EIF3H: variants seen among roughly 807,000 people sequenced by gnomAD.
EIF3H encodes eukaryotic translation initiation factor 3 subunit H.
Under a neutral mutation model 44.2 loss-of-function variants are expected in EIF3H, and 26 were observed. The ratio of observed to expected loss-of-function variants is 0.59; its 90% CI spans 0.43 to 0.82. The LOEUF (loss-of-function observed/expected upper bound fraction) is 0.82. EIF3H is among the 40% of genes least tolerant of loss of function. The pLI is 0.00. For missense variants in EIF3H, 359 were observed against 432.8 expected, an observed-to-expected ratio of 0.83 and a Z score of 1.51; for synonymous variants, 166 against 151.9, an observed-to-expected ratio of 1.09 and a Z score of -0.68.
intron 2 of EIF3H, among the ~76,000 whole-genome samples, chr8:116,721,107 G>A (rs535259766): frequency 1.3e-5 from 2 of 152,246 alleles, no homozygotes; most frequent in Admixed American, 1.3e-4. Flanking sequence ...CCCACCACAG[G>A]CCTAGAGGCC....
At chr8:116,748,165 A>C (rs373207478) in intron 1 of EIF3H, among the ~76,000 whole-genome samples, 2 of 151,918 alleles carry the variant, frequency 1.3e-5, no homozygotes, top group Non-Finnish European at 2.9e-5. Flanking sequence ...AAACAAAAAA[A>C]AAAACAAAAA....
At chr8:116,720,826 A>G (rs1046164924) in intron 2 of EIF3H, among the ~76,000 whole-genome samples, 1 of 152,138 alleles carries the variant, frequency 6.6e-6, no homozygotes, top group Non-Finnish European at 1.5e-5. Flanking sequence ...AACTTGAGAG[A>G]GATGATTTAG....
chr8:116,742,888 T>G (rs1815154762), intron 1 of EIF3H, among the ~76,000 whole-genome samples: 1 of 152,206 alleles, frequency 6.6e-6, no homozygotes, highest in African/African-American at 2.4e-5. Flanking sequence ...AATGGCTGTG[T>G]TTAAACAGGT....
At chr8:116,703,006 G>A (rs745831893) in intron 2 of EIF3H, among the ~76,000 whole-genome samples, 2 of 152,166 alleles carry the variant, frequency 1.3e-5, no homozygotes, top group Non-Finnish European at 1.5e-5. Flanking sequence ...CAGGGTTAGC[G>A]TGTGGGCGGC....
chr8:116,675,485 G>A (rs966122928), intron 2 of EIF3H, among the ~76,000 whole-genome samples: 4 of 152,132 alleles, frequency 2.6e-5, no homozygotes, highest in African/African-American at 7.2e-5. Context: ...AGTAATGAGC[G>A]CACACACACC....
rs140440763 is a variant in EIF3H at position 116,701,441 on chromosome 8, C to T, written c.289+24575G>A. Reference sequence around the variant, plus strand: ...TTCTTTGATGTTCCTTCCCACCAAGCGACAGAATTTAATTCCCCTCCTCTT... The same window carrying T: ...TTCTTTGATGTTCCTTCCCACCAAGTGACAGAATTTAATTCCCCTCCTCTT... On this transcript the variant is annotated intron_variant, in intron 2 of 7. Transcript: ENST00000521861. Among the ~76,000 whole-genome samples the T allele has an allele frequency of 7.8e-3, 1,194 of 152,182 alleles. 18 individuals are homozygous for T. The highest frequency in any genetic ancestry group is 0.026 in the African/African-American group (1,094 of 41,508).
chr8:116,710,284 T>C (rs938955380), intron 2 of EIF3H, among the ~76,000 whole-genome samples: 1 of 152,228 alleles, frequency 6.6e-6, no homozygotes, highest in African/African-American at 2.4e-5. Context: ...CTAAGTCAAA[T>C]TAAACCATCT....
chr8:116,756,107 AGT>A (rs1365112833), upstream of EIF3H: 53 of 1,123,198 alleles, frequency 4.7e-5, no homozygotes, highest in Non-Finnish European at 5.2e-6. Context: ...TTATTTCTGT[AGT>A]GTCTCTTATG....
rs201287696 is a variant in EIF3H, at chr8:116,658,797, T to A, written c.457+16A>T. On this transcript the variant is annotated intron_variant, in intron 3 of 7. Transcript: ENST00000521861. ...ATAATATTAAGGGAAAAAAGAATAA[T>A]AAACCTCCTACTAACCATAAATGAG... The A allele has an allele frequency of 8.3e-4, 1,326 of 1,599,366 alleles. 3 individuals carry two copies. The highest frequency in any genetic ancestry group is 9.4e-4 in the Non-Finnish European group (1,110 of 1,175,724).
At chr8:116,719,116 A>G (rs1814702120) in intron 2 of EIF3H, among the ~76,000 whole-genome samples, 1 of 152,202 alleles carries the variant, frequency 6.6e-6, no homozygotes, top group African/African-American at 2.4e-5. Flanking sequence ...TTAATAACTG[A>G]CCATTGGATC....
intron 2 of EIF3H, among the ~76,000 whole-genome samples, chr8:116,684,089 A>T (rs868461225): frequency 6.6e-6 from 1 of 152,230 alleles, no homozygotes; most frequent in African/African-American, 2.4e-5. Context: ...AAAATAAGAT[A>T]TGTCACTAAT....
intron 2 of EIF3H, among the ~76,000 whole-genome samples, chr8:116,723,694 C>A (rs745981503): frequency 6.6e-6 from 1 of 152,000 alleles, no homozygotes; most frequent in Non-Finnish European, 1.5e-5. Context: ...AAAGTCATAT[C>A]AAAAATGACA....
At chr8:116,707,366 T>C (rs1442566738) in intron 2 of EIF3H, among the ~76,000 whole-genome samples, 1 of 152,206 alleles carries the variant, frequency 6.6e-6, no homozygotes, top group Non-Finnish European at 1.5e-5. Flanking sequence ...GATATTGTTA[T>C]AAGTACAGGA....
chr8:116,709,342 C>T (rs1814532784), intron 2 of EIF3H, among the ~76,000 whole-genome samples: 1 of 152,072 alleles, frequency 6.6e-6, no homozygotes, highest in Non-Finnish European at 1.5e-5. Context: ...GAAATGGAAC[C>T]ACAGTTAGTA....
chr8:116,755,752 T>TGGAAGAGGTGGCAGTAGAGCC lies in EIF3H; in HGVS notation c.25_45dup (p.Gly9_Ser15dup). 6.2e-7 allele frequency: 1 copy of TGGAAGAGGTGGCAGTAGAGCC among 1,614,082 alleles called. No homozygotes were observed. The highest frequency in any genetic ancestry group is 8.5e-7 in the Non-Finnish European group (1 of 1,180,022). The stretch of plus-strand genomic sequence containing the variant: ...TTCCCTGCTGCGCCGGCGGTGGAGC[T>TGGAAGAGGTGGCAGTAGAGCC]GGAAGAGGTGGCAGTAGAGCCGGTA... On this transcript the variant is annotated inframe_insertion, in exon 1 of 8. Coordinates refer to ENST00000521861, the MANE Select transcript of EIF3H (RefSeq NM_003756.3).
intron 1 of EIF3H, among the ~76,000 whole-genome samples, chr8:116,730,691 C>G (rs950422627): frequency 5.3e-5 from 8 of 152,032 alleles, no homozygotes; most frequent in African/African-American, 1.9e-4. Context: ...CATTGTTTCC[C>G]CTCGTGAATG....
chr8:116,746,215 T>C (rs1358962764), intron 1 of EIF3H, among the ~76,000 whole-genome samples: 3 of 152,212 alleles, frequency 2.0e-5, no homozygotes, highest in African/African-American at 4.8e-5. Context: ...ATTTTAAAGT[T>C]AGAAGTCTGT....
In EIF3H at chr8:116,643,060, C is replaced by T. The variant is rs1255843339; in HGVS notation, c.*1946G>A. The T allele has an allele frequency of 2.0e-5, 3 of 152,180 alleles. No homozygotes were observed. Among genetic ancestry groups the T allele is most frequent in the African/African-American group, 7.2e-5 (3 of 41,442 alleles). 9.4% of individuals were successfully genotyped at this position (152,180 alleles called of 1,614,324 possible). ...TGATTTTCCTTGCTTTTATTTTGCT[C>T]GCTTGCTACTTTAAGGGTGCTTTGT... On this transcript the variant is annotated 3_prime_UTR_variant, in exon 8 of 8. Coordinates refer to ENST00000521861, the MANE Select transcript of EIF3H (RefSeq NM_003756.3).
At chr8:116,655,720 C>T (rs1813477682) in intron 5 of EIF3H, 136 bp downstream of exon 5, 2 of 896,866 alleles carry the variant, frequency 2.2e-6, no homozygotes, top group South Asian at 3.1e-5. Flanking sequence ...GACTATTACT[C>T]CATGTTATAC....
Sources: gnomAD v4.1 joint callset for allele counts (sites outside exome capture counted in the v4.1 genomes callset) on GRCh38, gnomAD v4.1.1 for gene constraint, MANE v1.5 for transcripts, NCBI Gene and HGNC (gene_info 2026-07-23, HGNC 2026-07-21) for gene names.